The following ABR variants were observed in gnomAD, a reference collection of about 807,000 sequenced individuals.
ABR encodes the protein ABR activator of RhoGEF and GTPase, also known as active breakpoint cluster region-related protein.
In ABR, 35 loss-of-function variants were observed where a neutral mutation model predicts 107.2. That is an observed-to-expected ratio of 0.33 (90% CI 0.25 to 0.43). The LOEUF is 0.43. Among genes scored for constraint, ABR ranks in the 20% least tolerant of loss-of-function variants. The probability of loss-of-function intolerance (pLI) is 1.00; values close to 1 mark genes in which losing one functional copy is unlikely to be tolerated. For missense variants in ABR, 815 were observed against 1,115.2 expected (o/e 0.73, Z 3.83); for synonymous variants, 498 against 462.0 (o/e 1.08, Z -1.00).
intron 16 of ABR, among the ~76,000 whole-genome samples, chr17:1,018,368 T>G (rs899944150): frequency 6.6e-6 from 1 of 152,158 alleles, no homozygotes; most frequent in African/African-American, 2.4e-5. Context: ...AATTGACACA[T>G]TGCAGTTGTA....
chr17:1,111,002 C>T (rs577974361), intron 2 of ABR, among the ~76,000 whole-genome samples: 2 of 152,310 alleles, frequency 1.3e-5, no homozygotes, highest in South Asian at 2.1e-4. Context: ...TTCCCCAGGG[C>T]ACAAGTATGC....
intron 1 of ABR, chr17:1,178,159 T>C (rs1049560050): frequency 5.3e-5 from 8 of 151,874 alleles, no homozygotes; most frequent in African/African-American, 1.9e-4. Flanking sequence ...AGGTCAGAGG[T>C]TGAATGTTGG....
intron 16 of ABR, among the ~76,000 whole-genome samples, chr17:1,032,337 C>T (rs1417810396): frequency 1.3e-5 from 2 of 152,174 alleles, no homozygotes; most frequent in Non-Finnish European, 2.9e-5. Context: ...ACTCAGAAGC[C>T]TCCTCAGGTG....
rs567312154 is a variant in ABR at position 1,159,096 on chromosome 17, T to A, written c.61+20571A>T. Among the ~76,000 whole-genome samples the A allele has an allele frequency of 2.6e-5, 4 of 152,314 alleles. No homozygotes were observed. In the East Asian group the frequency reaches 7.7e-4, roughly 29 times the overall value. Reference sequence around the variant, plus strand: ...TGTTTTGAAATGCGTAAAACTAAACTATGCAGGATGACAAAGGAAACCAAC... The same window carrying A: ...TGTTTTGAAATGCGTAAAACTAAACAATGCAGGATGACAAAGGAAACCAAC... On this transcript the variant is annotated intron_variant, in intron 1 of 22. Transcript: ENST00000302538.
At chr17:1,022,859 C>G (rs987955625) in intron 16 of ABR, among the ~76,000 whole-genome samples, 2 of 152,260 alleles carry the variant, frequency 1.3e-5, no homozygotes, top group Non-Finnish European at 2.9e-5. Flanking sequence ...CAGAGAACTT[C>G]GAAGTTCCCC....
Position 1,059,028 on chromosome 17 carries a change from G to A in ABR, c.1183-161C>T, listed in dbSNP as rs574246405. 4.6e-5 allele frequency among the ~76,000 whole-genome samples: 7 copies of A among 152,272 alleles called. No individual in the cohort carries two copies. The East Asian group carries it at 1.2e-3, about 25-fold the overall frequency. ...GCAGGAGAGGCGGGTAGCTGGGTGAGAAACTGCTCCCCCACAGGGCTCACT... is the reference window on the plus strand; with the variant it reads ...GCAGGAGAGGCGGGTAGCTGGGTGAAAAACTGCTCCCCCACAGGGCTCACT... On this transcript the variant is annotated intron_variant, in intron 10 of 22. Coordinates refer to ENST00000302538, the MANE Select transcript of ABR (RefSeq NM_021962.5).
chr17:1,028,627 C>T (rs1026846792), intron 16 of ABR, among the ~76,000 whole-genome samples: 7 of 152,316 alleles, frequency 4.6e-5, no homozygotes, highest in South Asian at 2.1e-4. Context: ...CGGGACTCAC[C>T]GTGGGGGTCA....
intron 1 of ABR, among the ~76,000 whole-genome samples, chr17:1,138,068 A>ATT (rs773606371): frequency 4.3e-5 from 6 of 140,968 alleles, no homozygotes; most frequent in African/African-American, 1.3e-4. Flanking sequence ...CACCCGGCTA[A>ATT]TTTTTTTTTT....
At chr17:1,192,693 A>G (rs1007842381) in intron 1 of ABR, among the ~76,000 whole-genome samples, 7 of 152,118 alleles carry the variant, frequency 4.6e-5, no homozygotes, top group Non-Finnish European at 8.8e-5. Flanking sequence ...CAGGAGGATC[A>G]CCCGAGGCCA....
In ABR at chr17:1,168,125, A is replaced by T. The variant is rs189734296; in HGVS notation, c.61+11542T>A. 5.3e-5 allele frequency among the ~76,000 whole-genome samples: 8 copies of T among 152,206 alleles called. No individual in the cohort carries two copies. In the East Asian group the frequency reaches 1.5e-3, roughly 29 times the overall value. On this transcript the variant is annotated intron_variant, in intron 1 of 22. Transcript: ENST00000302538. The stretch of plus-strand genomic sequence containing the variant: ...AATATAGAGAAATCCCGTCTCTACT[A>T]AAAATACAAAATTAGCCGGGCATGG...
At chr17:1,076,211 G>A (rs766909633) in intron 6 of ABR, among the ~76,000 whole-genome samples, 6 of 152,150 alleles carry the variant, frequency 3.9e-5, no homozygotes, top group African/African-American at 9.7e-5. Context: ...ACTGGTTTAC[G>A]TAAATACACT....
chr17:1,079,526 C>G (rs952968674), intron 5 of ABR, 136 bp from the exon 6 acceptor site: 1 of 807,668 alleles, frequency 1.2e-6, no homozygotes, highest in Non-Finnish European at 2.0e-6. Context: ...TGGCGGCTCA[C>G]GCCAGTCATC....
chr17:1,134,548 T>C (rs2039977509), intron 1 of ABR, among the ~76,000 whole-genome samples: 1 of 152,130 alleles, frequency 6.6e-6, no homozygotes, highest in African/African-American at 2.4e-5. Flanking sequence ...AGTCCCTATA[T>C]ATTGGGTTTT....
chr17:1,072,618 C>T lies in ABR; in HGVS notation c.890G>A (p.Gly297Glu). ...PRRTAVTTPKGETRQLVKDGF... is the reference protein window; with the variant it reads ...PRRTAVTTPKEETRQLVKDGF... The stretch of plus-strand genomic sequence containing the variant: ...CGTGCCGGGCTCTGAGCTCACCTCC[C>T]CCTTGGGCGTTGTCACTGCAGTCCG... The change falls in exon 8 of 23, where the codon GGG (glycine) becomes GAG (glutamate). Residue 297 changes from glycine (G) to glutamate (E), a missense_variant. Transcript: ENST00000302538. 6.2e-7 allele frequency: 1 copy of T among 1,607,252 alleles called. No homozygotes were observed.
chr17:1,060,925 G>A (rs1170356658), intron 10 of ABR, among the ~76,000 whole-genome samples: 1 of 152,116 alleles, frequency 6.6e-6, no homozygotes, highest in African/African-American at 2.4e-5. Context: ...CCGGGAGGTG[G>A]AGGTTGCAGT....
intron 2 of ABR, among the ~76,000 whole-genome samples, chr17:1,114,250 A>C (rs972642805): frequency 6.6e-6 from 1 of 151,162 alleles, no homozygotes; most frequent in Non-Finnish European, 1.5e-5. Flanking sequence ...CAGGTAGATC[A>C]CTTGAGTTCA....
At position 1,050,249 on chromosome 17, in the gene ABR, GT is replaced by G; in HGVS notation, c.1660-69del. ...GGAGGCCTGGCTTTCCGGCAGGTGC[GT>G]GCCTCAGCTTTGCAAGGAGGAGGGA... On this transcript the variant is annotated intron_variant, in intron 15 of 22. Coordinates refer to ENST00000302538, the MANE Select transcript of ABR (RefSeq NM_021962.5). The surrounding 1 kb of genome is among the most constrained non-coding windows in gnomAD (Gnocchi z 4.6). The G allele has an allele frequency of 6.4e-7, 1 of 1,552,698 alleles. No individual in the cohort carries two copies. Among genetic ancestry groups the G allele is most frequent in the Non-Finnish European group, 8.7e-7 (1 of 1,153,650 alleles).
chr17:1,066,604 C>A (rs2034769316), intron 10 of ABR, among the ~76,000 whole-genome samples: 1 of 152,030 alleles, frequency 6.6e-6, no homozygotes, highest in Admixed American at 6.6e-5. Flanking sequence ...TCTTGGCTCA[C>A]TGCAACCTCC....
At chr17:1,191,354 C>CTT (rs761910557), upstream of ABR, among the ~76,000 whole-genome samples, 46,196 of 96,418 alleles carry the variant, frequency 0.48, 12,290 homozygotes, top group Non-Finnish European at 0.59. Flanking sequence ...TTTTTCTTTT[C>CTT]TTTTTTTTTT....
Sources: allele counts gnomAD v4.1 joint callset (sites outside exome capture counted in the v4.1 genomes callset), GRCh38; gene constraint gnomAD v4.1.1; non-coding constraint Gnocchi (gnomAD v3.1); transcripts MANE v1.5; gene names NCBI Gene and HGNC (gene_info 2026-07-23, HGNC 2026-07-21).